ASIC2: variants seen among roughly 807,000 people sequenced by gnomAD.
ASIC2 encodes the protein acid-sensing ion channel 2.
A neutral mutation model predicts 57.3 loss-of-function variants in ASIC2; 25 were observed. The ratio of observed to expected loss-of-function variants is 0.44; its 90% confidence interval spans 0.32 to 0.61. ASIC2 has a LOEUF of 0.61. Among genes scored for constraint, ASIC2 ranks in the 20% least tolerant of loss-of-function variants. The pLI is 0.06. For missense variants in ASIC2, 641 were observed against 738.1 expected, an observed-to-expected ratio of 0.87 and a Z score of 1.52; for synonymous variants, 319 against 307.5, an observed-to-expected ratio of 1.04 and a Z score of -0.39.
At chr17:33,906,940 G>A (rs1415119812) in intron 1 of ASIC2, among the ~76,000 whole-genome samples, 1 of 152,138 alleles carries the variant, frequency 6.6e-6, no homozygotes, top group African/African-American at 2.4e-5. Flanking sequence ...CTTTACTGAT[G>A]CTCATGGCTG....
rs1910482363 is a variant in ASIC2 at position 33,406,557 on chromosome 17, C to G, written c.556-294490G>C. Among the ~76,000 whole-genome samples the G allele has an allele frequency of 2.0e-5, 3 of 152,216 alleles. No homozygotes were observed. The South Asian group carries it at 6.2e-4, about 32-fold the overall frequency. ...GTGTGTCCCTGTACAAGTTTTTAAG[C>G]TTTCTGTGTTTCTGTTTCCTTGATT... On this transcript the variant is annotated intron_variant, in intron 1 of 9. Coordinates refer to the ASIC2 transcript ENST00000359872.
At chr17:33,075,484 G>T (rs967541208) in intron 3 of ASIC2, among the ~76,000 whole-genome samples, 14 of 152,166 alleles carry the variant, frequency 9.2e-5, no homozygotes, top group Admixed American at 5.2e-4. Context: ...CCATCAGTAA[G>T]CACCAGAAAT....
chr17:34,154,836 A>G (rs1904652443), intron 1 of ASIC2, among the ~76,000 whole-genome samples: 1 of 152,134 alleles, frequency 6.6e-6, no homozygotes, highest in South Asian at 2.1e-4. Flanking sequence ...CTATGGGGGA[A>G]GCAGCCACAC....
intron 1 of ASIC2, among the ~76,000 whole-genome samples, chr17:33,887,991 C>T (rs762686218): frequency 2.0e-5 from 3 of 152,154 alleles, no homozygotes; most frequent in Non-Finnish European, 4.4e-5. Context: ...TTGCATGTTG[C>T]TTTGTCACCA....
At chr17:33,611,777 T>C (rs1455117413) in intron 1 of ASIC2, among the ~76,000 whole-genome samples, 1 of 152,236 alleles carries the variant, frequency 6.6e-6, no homozygotes, top group Non-Finnish European at 1.5e-5. Context: ...GAGAGTCACA[T>C]GACCAAGGCC....
At chr17:33,998,571 C>A (rs548670290) in intron 1 of ASIC2, among the ~76,000 whole-genome samples, 1 of 152,092 alleles carries the variant, frequency 6.6e-6, no homozygotes, top group African/African-American at 2.4e-5. Flanking sequence ...GTTGTGTTTT[C>A]ATTTTCATTT....
At chr17:33,380,243 C>T (rs1484683895) in intron 1 of ASIC2, among the ~76,000 whole-genome samples, 2 of 21,080 alleles carry the variant, frequency 9.5e-5, no homozygotes, top group East Asian at 1.4e-3. Flanking sequence ...GAAACCCTGT[C>T]TCAAAAAAAA....
At chr17:33,105,733 G>A (rs1337670644) in intron 2 of ASIC2, among the ~76,000 whole-genome samples, 1 of 152,174 alleles carries the variant, frequency 6.6e-6, no homozygotes, top group Non-Finnish European at 1.5e-5. Context: ...TCATCAAATG[G>A]CTTTGACCAA....
intron 1 of ASIC2, among the ~76,000 whole-genome samples, chr17:33,743,088 C>A (rs1269249844): frequency 6.6e-6 from 1 of 152,198 alleles, no homozygotes; most frequent in Non-Finnish European, 1.5e-5. Flanking sequence ...CCTGCTCTTG[C>A]AAATAATCCT....
chr17:33,664,916 T>TA (rs1907420680), intron 1 of ASIC2, among the ~76,000 whole-genome samples: 1 of 152,184 alleles, frequency 6.6e-6, no homozygotes, highest in Non-Finnish European at 1.5e-5. Context: ...ATTTCTAGGC[T>TA]AAAAACCACC....
At chr17:33,950,027 T>C (rs539717662) in intron 1 of ASIC2, among the ~76,000 whole-genome samples, 1 of 152,330 alleles carries the variant, frequency 6.6e-6, no homozygotes, top group African/African-American at 2.4e-5. Flanking sequence ...AGTCTGACTG[T>C]GCCTCCTGCA....
intron 1 of ASIC2, among the ~76,000 whole-genome samples, chr17:33,823,659 C>A (rs1912817632): frequency 6.6e-6 from 1 of 152,212 alleles, no homozygotes. Flanking sequence ...AACCTTTGGT[C>A]TCTATGTTGC....
At chr17:33,508,927 CA>C (rs1280178392) in intron 1 of ASIC2, among the ~76,000 whole-genome samples, 1 of 152,184 alleles carries the variant, frequency 6.6e-6, no homozygotes, top group African/African-American at 2.4e-5. Context: ...GTTCAGTTGA[CA>C]AACTGTCAGA....
intron 1 of ASIC2, among the ~76,000 whole-genome samples, chr17:34,048,333 A>C (rs1307214581): frequency 6.6e-6 from 1 of 152,222 alleles, no homozygotes; most frequent in East Asian, 1.9e-4. Context: ...AAAACTTACC[A>C]ACTTCTTGTA....
intron 1 of ASIC2, among the ~76,000 whole-genome samples, chr17:33,775,342 C>T (rs572016858): frequency 5.3e-5 from 8 of 152,294 alleles, no homozygotes; most frequent in East Asian, 1.9e-4. Flanking sequence ...ACAGAGGATG[C>T]AGCAGTACAC....
In ASIC2 at chr17:33,135,235, G is replaced by C. The variant is rs551829488; in HGVS notation, c.709-23168C>G. 4.6e-5 allele frequency among the ~76,000 whole-genome samples: 7 copies of C among 152,186 alleles called. No homozygotes were observed. The East Asian group carries it at 5.8e-4, about 13-fold the overall frequency. Reference sequence around the variant, plus strand: ...GAAAGTGCCCGGAACATGCCCCGCTGTCTCATCCCTCCATGCCTTTGCCAC... The same window carrying C: ...GAAAGTGCCCGGAACATGCCCCGCTCTCTCATCCCTCCATGCCTTTGCCAC... On this transcript the variant is annotated intron_variant, in intron 1 of 9. Coordinates refer to ENST00000225823, the MANE Select transcript of ASIC2 (RefSeq NM_183377.2).
In ASIC2 at chr17:33,381,621, C is replaced by T. The variant is rs117911671; in HGVS notation, c.556-269554G>A. Among the ~76,000 whole-genome samples the T allele has an allele frequency of 9.6e-3, 1,455 of 152,274 alleles. 16 individuals are homozygous for T. The highest frequency in any genetic ancestry group is 0.014 in the Non-Finnish European group (985 of 68,010). On this transcript the variant is annotated intron_variant, in intron 1 of 9. Transcript: ENST00000359872. ...TGAGGTGTGGCTAGTGATGATAACACCCACTTGGGAAGTTCATTTGGAGGA... is the reference window on the plus strand; with the variant it reads ...TGAGGTGTGGCTAGTGATGATAACATCCACTTGGGAAGTTCATTTGGAGGA...
intron 1 of ASIC2, among the ~76,000 whole-genome samples, chr17:34,016,841 C>A (rs9889896): frequency 0.87 from 132,141 of 152,256 alleles, 57,731 homozygotes; most frequent in East Asian, 0.98. Flanking sequence ...GATCACAGAT[C>A]AACAACAATT....
intron 1 of ASIC2, among the ~76,000 whole-genome samples, chr17:33,410,080 G>A (rs1910603546): frequency 6.6e-6 from 1 of 152,160 alleles, no homozygotes; most frequent in African/African-American, 2.4e-5. Flanking sequence ...GGTCAGCCTA[G>A]GAGCCAGCTT....
Sources: allele counts gnomAD v4.1 joint callset (sites outside exome capture counted in the v4.1 genomes callset), GRCh38; gene constraint gnomAD v4.1.1; transcripts MANE v1.5; gene names NCBI Gene and HGNC (gene_info 2026-07-23, HGNC 2026-07-21).